The following MARCHF1 variants were observed in gnomAD, a reference collection of about 807,000 sequenced individuals.
The protein encoded by MARCHF1 is E3 ubiquitin-protein ligase MARCHF1.
In MARCHF1, 40 loss-of-function variants were observed where a neutral mutation model predicts 54.2. The observed-to-expected ratio is 0.74, with a 90% confidence interval of 0.57 to 0.96. The LOEUF (loss-of-function observed/expected upper bound fraction) is 0.96, where lower values mean the gene tolerates loss of function less well. Among genes scored for constraint, MARCHF1 ranks in the 40% least tolerant of loss-of-function variants. MARCHF1 has a pLI of 0.00. For missense variants in MARCHF1, 586 were observed against 656.5 expected (o/e 0.89, Z 1.17); for synonymous variants, 236 against 236.3 (o/e 1.00, Z 0.01).
chr4:163,748,055 C>A (rs1215733351), intron 4 of MARCHF1, among the ~76,000 whole-genome samples: 1 of 152,184 alleles, frequency 6.6e-6, no homozygotes, highest in Non-Finnish European at 1.5e-5. Flanking sequence ...AAGTCATGTG[C>A]CTGGATGGTC....
At chr4:163,696,594 T>A (rs1174760584) in intron 5 of MARCHF1, among the ~76,000 whole-genome samples, 1 of 152,164 alleles carries the variant, frequency 6.6e-6, no homozygotes, top group Non-Finnish European at 1.5e-5. Context: ...ATGACCTTTA[T>A]GACTAGACTG....
chr4:163,892,913 C>T (rs534389018), intron 3 of MARCHF1, among the ~76,000 whole-genome samples: 1 of 152,104 alleles, frequency 6.6e-6, no homozygotes, highest in Admixed American at 6.5e-5. Context: ...GTGCCAGTTC[C>T]TTGAACATAT....
chr4:163,545,519 G>T lies in MARCHF1; in HGVS notation c.1339+77C>A, dbSNP rs1202338203. 3 of 1,428,108 alleles carry T rather than the reference G, an allele frequency of 2.1e-6. No homozygotes were observed. The African/African-American group carries it at 4.3e-5, about 20-fold the overall frequency. 88.5% of individuals were successfully genotyped at this position (1,428,108 alleles called of 1,614,324 possible). A position where few individuals can be genotyped will look rare whatever the true frequency, so the allele number is the denominator to read the frequency against. On this transcript the variant is annotated intron_variant, in intron 9 of 9. Transcript: ENST00000514618. ...ATCATACATGATGAAGGCCTAACCT[G>T]GGGAAATAACTTCCCTATCCACCTC...
chr4:163,928,073 C>T lies in MARCHF1; in HGVS notation c.-39+60428G>A, dbSNP rs571190551. Among the ~76,000 whole-genome samples, 19 of 151,760 alleles carry T rather than the reference C, an allele frequency of 1.3e-4. 1 individual carries two copies. Among genetic ancestry groups the T allele is most frequent in the African/African-American group, 4.6e-4 (19 of 41,456 alleles). On this transcript the variant is annotated intron_variant, in intron 3 of 9. Coordinates refer to ENST00000514618, the MANE Select transcript of MARCHF1 (RefSeq NM_001394959.1). ...ATATAGTTTACTCATGTTAGAAAGGCTTCAATTAGATGTTCAAGCTCTTGA... is the reference window on the plus strand; with the variant it reads ...ATATAGTTTACTCATGTTAGAAAGGTTTCAATTAGATGTTCAAGCTCTTGA...
chr4:164,182,964 T>A (rs903462879), intron 1 of MARCHF1, among the ~76,000 whole-genome samples: 2 of 152,020 alleles, frequency 1.3e-5, no homozygotes, highest in Non-Finnish European at 2.9e-5. Flanking sequence ...AAAGTGTAAA[T>A]CCCTTATTTT....
intron 4 of MARCHF1, among the ~76,000 whole-genome samples, chr4:163,762,627 G>A (rs542138010): frequency 3.0e-4 from 45 of 152,012 alleles, no homozygotes; most frequent in Non-Finnish European, 4.4e-4. Flanking sequence ...TTCTTTGACC[G>A]TTGTAAACAA....
At position 163,612,869 on chromosome 4, in the gene MARCHF1, C is replaced by T; in HGVS notation, c.412G>A (p.Gly138Arg). The T allele has an allele frequency of 6.5e-7, 1 of 1,535,378 alleles. No individual in the cohort carries two copies. The highest frequency in any genetic ancestry group is 8.7e-7 in the Non-Finnish European group (1 of 1,146,508). ...YEHAAEEQIR[G>R]RKNDFHLQIS... Reference sequence around the variant, plus strand: ...TGAAGGTGAAAGTCATTTTTTCTCCCTCTTATTTGTTCTTCTGCAGCATGC... The same window carrying T: ...TGAAGGTGAAAGTCATTTTTTCTCCTTCTTATTTGTTCTTCTGCAGCATGC... The change falls in exon 7 of 10, where the codon GGG (glycine) becomes AGG (arginine). Residue 138 changes from glycine (G) to arginine (R), a missense_variant. Physicochemically the swap from Gly to Arg is moderately radical, Grantham distance 125. Coordinates refer to ENST00000514618, the MANE Select transcript of MARCHF1 (RefSeq NM_001394959.1).
Position 164,095,895 on chromosome 4 carries a change from G to A in MARCHF1, c.-248+15693C>T, listed in dbSNP as rs112150142. On this transcript the variant is annotated intron_variant, in intron 2 of 9. Coordinates refer to ENST00000514618, the MANE Select transcript of MARCHF1 (RefSeq NM_001394959.1). ...CATCTCACACAGTCAGAATAGCTAC[G>A]ATTAAGAAGTCAAAAAATAACATAT... Among the ~76,000 whole-genome samples, 1,287 of 152,056 alleles carry A rather than the reference G, an allele frequency of 8.5e-3. 18 individuals are homozygous for A. Among genetic ancestry groups the A allele is most frequent in the East Asian group, 0.05 (260 of 5,168 alleles).
chr4:164,174,930 G>A (rs1373630765), intron 1 of MARCHF1, among the ~76,000 whole-genome samples: 1 of 151,868 alleles, frequency 6.6e-6, no homozygotes, highest in African/African-American at 2.4e-5. Flanking sequence ...CATAAAAATT[G>A]GCTATGAGAT....
intron 3 of MARCHF1, among the ~76,000 whole-genome samples, chr4:163,908,367 G>C (rs1249176511): frequency 1.3e-5 from 2 of 151,708 alleles, no homozygotes; most frequent in African/African-American, 2.4e-5. Context: ...AGAGAGAGAG[G>C]AGAAAAAGAG....
At chr4:163,898,516 TA>T (rs894543326) in intron 3 of MARCHF1, among the ~76,000 whole-genome samples, 6 of 152,148 alleles carry the variant, frequency 3.9e-5, no homozygotes, top group African/African-American at 1.4e-4. Context: ...TAGCCGTTAT[TA>T]AAAAGTCAAA....
intron 1 of MARCHF1, among the ~76,000 whole-genome samples, chr4:164,280,807 G>A (rs1445506599): frequency 6.6e-6 from 1 of 152,018 alleles, no homozygotes; most frequent in Admixed American, 6.6e-5. Context: ...GATAAAACTA[G>A]AACATACATT....
chr4:163,567,490 G>A (rs1739683336), intron 8 of MARCHF1, among the ~76,000 whole-genome samples: 1 of 152,174 alleles, frequency 6.6e-6, no homozygotes, highest in African/African-American at 2.4e-5. Context: ...ATCTCATCTT[G>A]AATTGTAGCT....
intron 3 of MARCHF1, among the ~76,000 whole-genome samples, chr4:163,983,692 T>A (rs1035201901): frequency 6.6e-6 from 1 of 152,200 alleles, no homozygotes; most frequent in African/African-American, 2.4e-5. Context: ...CACTAACTAG[T>A]TGTGTGACAT....
rs185772170 is a variant in MARCHF1, at chr4:164,339,066, A to G, written c.-323+44804T>C. Reference sequence around the variant, plus strand: ...ATGCACCCAATATTATAGCACCTAAATATATAAATCAAATATCAACAAAAC... The same window carrying G: ...ATGCACCCAATATTATAGCACCTAAGTATATAAATCAAATATCAACAAAAC... On this transcript the variant is annotated intron_variant, in intron 1 of 9. Coordinates refer to ENST00000514618, the MANE Select transcript of MARCHF1 (RefSeq NM_001394959.1). Among the ~76,000 whole-genome samples the G allele has an allele frequency of 7.2e-5, 11 of 152,358 alleles. No individual in the cohort carries two copies. The East Asian group carries it at 1.9e-3, about 27-fold the overall frequency.
At chr4:163,617,948 A>G (rs1478966503) in intron 5 of MARCHF1, among the ~76,000 whole-genome samples, 1 of 152,176 alleles carries the variant, frequency 6.6e-6, no homozygotes, top group African/African-American at 2.4e-5. Flanking sequence ...GAACAAATGT[A>G]TGTTTTACAA....
At chr4:163,628,023 A>T (rs1741933758) in intron 5 of MARCHF1, among the ~76,000 whole-genome samples, 1 of 152,184 alleles carries the variant, frequency 6.6e-6, no homozygotes, top group Admixed American at 6.5e-5. Flanking sequence ...TTGGAGTAGA[A>T]AAGATTTTCT....
At chr4:163,930,883 C>T (rs72687909) in intron 3 of MARCHF1, among the ~76,000 whole-genome samples, 3 of 152,040 alleles carry the variant, frequency 2.0e-5, no homozygotes, top group East Asian at 3.9e-4. Context: ...AGGGATGTAA[C>T]ATATTTTGGG....
intron 4 of MARCHF1, among the ~76,000 whole-genome samples, chr4:163,745,461 CG>C (rs964093355): frequency 1.3e-5 from 2 of 152,022 alleles, no homozygotes; most frequent in African/African-American, 4.8e-5. Flanking sequence ...TACTCGACCC[CG>C]CTGATACAAA....
Sources: allele counts gnomAD v4.1 joint callset (sites outside exome capture counted in the v4.1 genomes callset), GRCh38; gene constraint gnomAD v4.1.1; transcripts MANE v1.5; gene names NCBI Gene and HGNC (gene_info 2026-07-23, HGNC 2026-07-21).